The following PALM2AKAP2 variants were observed in gnomAD, a reference collection of about 807,000 sequenced individuals.
PALM2AKAP2 encodes PALM2 and AKAP2 fusion, also known as PALM2-AKAP2 fusion protein.
PALM2AKAP2 carries 37 observed loss-of-function variants against 71.5 expected under a neutral mutation model. The ratio of observed to expected loss-of-function variants is 0.52; its 90% confidence interval spans 0.40 to 0.68. The LOEUF (loss-of-function observed/expected upper bound fraction) is 0.68. Among genes scored for constraint, PALM2AKAP2 ranks in the 30% least tolerant of loss-of-function variants. The probability of loss-of-function intolerance (pLI) is 0.00; values close to 1 mark genes in which losing one functional copy is unlikely to be tolerated. For synonymous variants in PALM2AKAP2, 468 were observed against 478.8 expected (o/e 0.98, Z 0.29); for missense variants, 1,224 against 1,191.8 (o/e 1.03, Z -0.40).
chr9:109,817,650 G>T (rs1230891681), intron 1 of PALM2AKAP2, among the ~76,000 whole-genome samples: 1 of 152,122 alleles, frequency 6.6e-6, no homozygotes, highest in East Asian at 1.9e-4. Context: ...GAGCCCAGAG[G>T]GATGCTCAGA....
At chr9:109,952,660 G>T (rs1370919601) in intron 6 of PALM2AKAP2, among the ~76,000 whole-genome samples, 1 of 152,238 alleles carries the variant, frequency 6.6e-6, no homozygotes, top group Non-Finnish European at 1.5e-5. Context: ...TAGTGCAGTT[G>T]TTTGTGGAGC....
intron 6 of PALM2AKAP2, chr9:109,945,107 C>G (rs1013121908): frequency 1.4e-4 from 21 of 151,810 alleles, no homozygotes; most frequent in Middle Eastern, 3.4e-3. Flanking sequence ...AAATCTATTG[C>G]TTTTTTTTAA....
At chr9:110,092,525 GA>G (rs1170669803) in intron 1 of PALM2AKAP2, among the ~76,000 whole-genome samples, 3 of 152,244 alleles carry the variant, frequency 2.0e-5, no homozygotes, top group East Asian at 1.9e-4. Context: ...TACTGAAAGT[GA>G]AAAAAGTCAA....
chr9:109,764,491 G>T (rs915374028), intron 1 of PALM2AKAP2, among the ~76,000 whole-genome samples: 6 of 152,104 alleles, frequency 3.9e-5, no homozygotes, highest in Non-Finnish European at 5.9e-5. Flanking sequence ...CATCTCCTCT[G>T]AGATGCCTTC....
intron 6 of PALM2AKAP2, among the ~76,000 whole-genome samples, chr9:109,956,295 G>A (rs1008149741): frequency 2.6e-5 from 4 of 152,036 alleles, no homozygotes; most frequent in Non-Finnish European, 5.9e-5. Context: ...GTGTGCCACC[G>A]CATCTGGCCA....
intron 1 of PALM2AKAP2, among the ~76,000 whole-genome samples, chr9:109,821,914 A>T (rs571230892): frequency 1.3e-5 from 2 of 152,212 alleles, no homozygotes. Context: ...GACCAAAGGA[A>T]TTTTTTGTAA....
chr9:109,642,632 A>T (rs141773319), intron 1 of PALM2AKAP2, among the ~76,000 whole-genome samples: 21 of 151,638 alleles, frequency 1.4e-4, no homozygotes, highest in Admixed American at 7.2e-4. Context: ...ATCATGGCTC[A>T]CTGCAGTATT....
chr9:110,135,324 A>T, intron 1 of PALM2AKAP2, among the ~76,000 whole-genome samples: 1 of 129,600 alleles, frequency 7.7e-6, no homozygotes, highest in Non-Finnish European at 1.6e-5. Flanking sequence ...AAAAAAAAAA[A>T]GCCCTCAAGA....
intron 1 of PALM2AKAP2, among the ~76,000 whole-genome samples, chr9:109,861,112 A>C (rs976407078): frequency 6.6e-6 from 1 of 152,136 alleles, no homozygotes; most frequent in African/African-American, 2.4e-5. Flanking sequence ...CGCAAGCTAG[A>C]ATGGGGGTTC....
At chr9:110,135,520 G>A (rs1835843529) in intron 1 of PALM2AKAP2, among the ~76,000 whole-genome samples, 1 of 151,994 alleles carries the variant, frequency 6.6e-6, no homozygotes, top group South Asian at 2.1e-4. Flanking sequence ...CTTAACTAAA[G>A]AGTATTATTT....
At chr9:109,708,095 G>C (rs1335734370) in intron 1 of PALM2AKAP2, among the ~76,000 whole-genome samples, 2 of 152,126 alleles carry the variant, frequency 1.3e-5, no homozygotes, top group African/African-American at 4.8e-5. Context: ...TTAAATCGCT[G>C]TGGGCATCAT....
intron 6 of PALM2AKAP2, among the ~76,000 whole-genome samples, chr9:109,992,954 T>TATAG (rs779669368): frequency 0.011 from 1,640 of 142,670 alleles, 17 homozygotes; most frequent in African/African-American, 0.031. Flanking sequence ...TATATATATA[T>TATAG]AGAGAGAGAG....
At chr9:109,984,120 T>G (rs538131777) in intron 6 of PALM2AKAP2, among the ~76,000 whole-genome samples, 1 of 152,328 alleles carries the variant, frequency 6.6e-6, no homozygotes, top group East Asian at 1.9e-4. Context: ...GGTGCGAACT[T>G]CTCCATTGAC....
intron 1 of PALM2AKAP2, among the ~76,000 whole-genome samples, chr9:109,713,664 G>A (rs1030508633): frequency 1.3e-5 from 2 of 152,100 alleles, no homozygotes; most frequent in Admixed American, 6.5e-5. Flanking sequence ...CTGAAGAAAC[G>A]ACATGGTGTA....
intron 1 of PALM2AKAP2, among the ~76,000 whole-genome samples, chr9:109,654,938 C>A (rs1380075272): frequency 1.3e-5 from 2 of 152,140 alleles, no homozygotes; most frequent in African/African-American, 2.4e-5. Context: ...CCCCAATTTT[C>A]TGGAAAAGCT....
chr9:110,000,187 G>T (rs577421911), intron 6 of PALM2AKAP2, among the ~76,000 whole-genome samples: 824 of 73,666 alleles, frequency 0.011, 4 homozygotes, highest in Non-Finnish European at 0.016. Flanking sequence ...ACAGGCCCCC[G>T]GTGTGTGATG....
At chr9:110,104,222 C>G (rs556490052) in intron 1 of PALM2AKAP2, among the ~76,000 whole-genome samples, 34 of 152,168 alleles carry the variant, frequency 2.2e-4, no homozygotes, top group African/African-American at 8.2e-4. Flanking sequence ...TGAGTTCAAT[C>G]TGGTCGCAAA....
Position 109,932,038 on chromosome 9 carries a change from G to A in PALM2AKAP2, c.496+10G>A, listed in dbSNP as rs1443963396. 2 of 1,609,806 alleles carry A rather than the reference G, an allele frequency of 1.2e-6. No homozygotes were observed. The highest frequency in any genetic ancestry group is 1.1e-5 in the South Asian group (1 of 90,564). ...ACCAGCAGAGCGGCTGGTAAGTCCTGGGGACCTTTGGACGCTAGGATGGTC... is the reference window on the plus strand; with the variant it reads ...ACCAGCAGAGCGGCTGGTAAGTCCTAGGGACCTTTGGACGCTAGGATGGTC... On this transcript the variant is annotated intron_variant, in intron 6 of 9. Coordinates refer to the PALM2AKAP2 transcript ENST00000302798.
intron 7 of PALM2AKAP2, among the ~76,000 whole-genome samples, chr9:110,040,246 T>C (rs1297599341): frequency 1.3e-5 from 2 of 152,236 alleles, no homozygotes; most frequent in Non-Finnish European, 2.9e-5. Flanking sequence ...GAAGCTATTA[T>C]TATTCTCCGT....
Sources: allele counts gnomAD v4.1 joint callset (sites outside exome capture counted in the v4.1 genomes callset), GRCh38; gene constraint gnomAD v4.1.1; transcripts MANE v1.5; gene names NCBI Gene and HGNC (gene_info 2026-07-23, HGNC 2026-07-21).